Variants in RAD9A observed in about 807,000 individuals in gnomAD.
RAD9A encodes cell cycle checkpoint control protein RAD9A.
Under a neutral mutation model 41.2 loss-of-function variants are expected in RAD9A, and 25 were observed. The observed-to-expected ratio is 0.61, with a 90% CI of 0.44 to 0.85. The LOEUF (loss-of-function observed/expected upper bound fraction) is 0.85, where lower values mean the gene tolerates loss of function less well. Among genes scored for constraint, RAD9A ranks in the 40% least tolerant of loss-of-function variants. The probability of loss-of-function intolerance (pLI) is 0.00; values close to 1 mark genes in which losing one functional copy is unlikely to be tolerated. For missense variants in RAD9A, 514 were observed against 518.3 expected, an observed-to-expected ratio of 0.99 and a Z score of 0.08; for synonymous variants, 252 against 210.6, an observed-to-expected ratio of 1.20 and a Z score of -1.70.
In RAD9A at chr11:67,393,686, T is replaced by A. The variant is rs767673550; in HGVS notation, c.350-5T>A. ...AGGCCCACTGAGACCCTATCGCCCA[T>A]CCAGGGGTGCGGAAGACTCACAACC... On this transcript the variant is annotated splice_polypyrimidine_tract_variant and splice_region_variant and intron_variant, in intron 4 of 10. Coordinates refer to ENST00000307980, the MANE Select transcript of RAD9A (RefSeq NM_004584.3). 1.2e-6 allele frequency: 2 copies of A among 1,612,866 alleles called. No homozygotes were observed. The highest frequency in any genetic ancestry group is 3.3e-5 in the Admixed American group (2 of 59,974).
Position 67,392,248 on chromosome 11 carries a change from T to TGGGGGGGTTGGGGGGG in RAD9A, c.105+23_105+24insGTTGGGGGGGGGGGGG. The TGGGGGGGTTGGGGGGG allele has an allele frequency of 3.1e-6, 1 of 321,852 alleles. No individual in the cohort carries two copies. Among genetic ancestry groups the TGGGGGGGTTGGGGGGG allele is most frequent in the Non-Finnish European group, 6.2e-6 (1 of 162,534 alleles). 19.9% of individuals were successfully genotyped at this position (321,852 alleles called of 1,614,324 possible). A position where few individuals can be genotyped will look rare whatever the true frequency, so the allele number is the denominator to read the frequency against. On this transcript the variant is annotated intron_variant, in intron 2 of 10. Coordinates refer to ENST00000307980, the MANE Select transcript of RAD9A (RefSeq NM_004584.3). ...GAGGACGGGGTGAGGGGCTAGGGTG[T>TGGGGGGGTTGGGGGGG]GGGGGGCGGGTGGGACTCCAGCCGG... is the stretch of plus-strand genomic sequence containing the variant.
chr11:67,395,456 G>A, intron 5 of RAD9A: 1 of 495,232 alleles, frequency 2.0e-6, no homozygotes, highest in South Asian at 3.4e-5. Context: ...CTTTCTGAAG[G>A]CCGGGTTTGT....
chr11:67,397,061 C>T (rs1460503886), intron 9 of RAD9A, 118 bp from the exon 10 acceptor site: 4 of 698,614 alleles, frequency 5.7e-6, no homozygotes, highest in South Asian at 3.4e-5. Flanking sequence ...ATCAGGAAGT[C>T]ATAAAACCAA....
Position 67,398,297 on chromosome 11 carries a change from G to A in RAD9A, c.*738G>A. On this transcript the variant is annotated 3_prime_UTR_variant, in exon 11 of 11. Transcript: ENST00000307980. ...CCACGACCTGGCCTGCCGTTGCCCT[G>A]AGCTGCAGCCTCGGCCCCAGGATCC... The A allele has an allele frequency of 1.8e-6, 1 of 554,346 alleles. No individual in the cohort carries two copies. Among genetic ancestry groups the A allele is most frequent in the Non-Finnish European group, 3.2e-6 (1 of 315,872 alleles). 34.3% of individuals were successfully genotyped at this position (554,346 alleles called of 1,614,324 possible).
Position 67,392,246 on chromosome 11 carries a change from T to TTGGGGG in RAD9A, c.105+15_105+16insTGGGGG. ...TGGAGGACGGGGTGAGGGGCTAGGG[T>TTGGGGG]GTGGGGGGCGGGTGGGACTCCAGCC... is the stretch of plus-strand genomic sequence containing the variant. On this transcript the variant is annotated intron_variant, in intron 2 of 10. Coordinates refer to ENST00000307980, the MANE Select transcript of RAD9A (RefSeq NM_004584.3). The TTGGGGG allele has an allele frequency of 1.4e-5, 8 of 557,990 alleles. No individual in the cohort carries two copies. The highest frequency in any genetic ancestry group is 2.2e-5 in the Non-Finnish European group (7 of 312,278). The allele number at this position is 557,990 out of a possible 1,614,324, so 34.6% of individuals were successfully genotyped here. A position where few individuals can be genotyped will look rare whatever the true frequency, so the allele number is the denominator to read the frequency against.
chr11:67,395,004 A>G (rs1292507013), intron 5 of RAD9A, among the ~76,000 whole-genome samples: 1 of 149,722 alleles, frequency 6.7e-6, no homozygotes, highest in Non-Finnish European at 1.5e-5. Context: ...CAGTGGTGCA[A>G]TCTTGGCTCA....
At chr11:67,394,917 C>CT (rs1457787043) in intron 5 of RAD9A, among the ~76,000 whole-genome samples, 2 of 152,124 alleles carry the variant, frequency 1.3e-5, no homozygotes, top group East Asian at 1.9e-4. Context: ...CACTCAGTCT[C>CT]TTTTTTTAAA....
chr11:67,398,078 T>C lies in RAD9A; in HGVS notation c.*519T>C, dbSNP rs544969763. 1.3e-4 allele frequency: 27 copies of C among 205,222 alleles called. No homozygotes were observed. The highest frequency in any genetic ancestry group is 2.3e-4 in the Non-Finnish European group (23 of 100,392). The allele number at this position is 205,222 out of a possible 1,614,324, so 12.7% of individuals were successfully genotyped here. On this transcript the variant is annotated 3_prime_UTR_variant, in exon 11 of 11. Transcript: ENST00000307980. Reference sequence around the variant, plus strand: ...ATTCTAAGAGCCTTGGACCCGAGTGTGTGGCTAGGGTTGCCCTGGCTGGGG... The same window carrying C: ...ATTCTAAGAGCCTTGGACCCGAGTGCGTGGCTAGGGTTGCCCTGGCTGGGG...
At position 67,392,304 on chromosome 11, in the gene RAD9A, C is replaced by G; in HGVS notation, c.105+73C>G. On this transcript the variant is annotated intron_variant, in intron 2 of 10. Coordinates refer to ENST00000307980, the MANE Select transcript of RAD9A (RefSeq NM_004584.3). ...GGTAACCCGGACTAGAGTCTCGCCC[C>G]CACTAGGCGGGATGACCGCTGGCAG... The G allele has an allele frequency of 3.8e-6, 5 of 1,298,978 alleles. No homozygotes were observed. In the South Asian group the frequency reaches 7.2e-5, roughly 19 times the overall value. The allele number at this position is 1,298,978 out of a possible 1,614,324, so 80.5% of individuals were successfully genotyped here. A position where few individuals can be genotyped will look rare whatever the true frequency, so the allele number is the denominator to read the frequency against.
chr11:67,395,366 CACTTG>C (rs1862651445), intron 5 of RAD9A: 3 of 286,088 alleles, frequency 1.0e-5, no homozygotes, highest in Non-Finnish European at 2.0e-5. Flanking sequence ...CTCCCGTCCC[CACTTG>C]ACTTGAAACA....
At position 67,392,703 on chromosome 11, in the gene RAD9A, T is replaced by C. The variant is rs751356887; in HGVS notation, c.155T>C (p.Leu52Pro). 6.2e-7 allele frequency: 1 copy of C among 1,614,062 alleles called. No individual in the cohort carries two copies. Among genetic ancestry groups the C allele is most frequent in the Admixed American group, 1.7e-5 (1 of 60,026 alleles). ...TCCCGCTCTGCCTATGCCTGCTTTCTCTTTGCCCCGCTCTTCTTCCAGCAA... is the reference window on the plus strand; with the variant it reads ...TCCCGCTCTGCCTATGCCTGCTTTCCCTTTGCCCCGCTCTTCTTCCAGCAA... ...NSSRSAYACF[L>P]FAPLFFQQYQ... The change falls in exon 3 of 11, where the codon CTC becomes CCC. Residue 52 changes from leucine to proline, a missense_variant. Transcript: ENST00000307980.
intron 3 of RAD9A, 66 bp downstream of exon 3, chr11:67,392,848 C>T (rs1862568482): frequency 6.4e-7 from 1 of 1,574,752 alleles, no homozygotes; most frequent in Non-Finnish European, 8.7e-7. Flanking sequence ...GTGCCTCTGC[C>T]CTGGGGTACT....
intron 2 of RAD9A, 38 bp downstream of exon 2, chr11:67,392,269 G>T (rs2134938899): frequency 6.8e-7 from 1 of 1,476,122 alleles, no homozygotes; most frequent in Non-Finnish European, 9.2e-7. Context: ...TGGGACTCCA[G>T]CCGGGAGCGG....
intron 3 of RAD9A, 195 bp from the exon 4 acceptor site, chr11:67,393,301 A>T: frequency 1.5e-6 from 2 of 1,304,578 alleles, no homozygotes; most frequent in African/African-American, 3.1e-5. Context: ...AAAAAAAGGT[A>T]AGCAGGTCTT....
At position 67,391,999 on chromosome 11, in the gene RAD9A, G is replaced by A. The variant is rs745464704; in HGVS notation, c.-46G>A. 6.5e-6 allele frequency: 10 copies of A among 1,535,622 alleles called. No individual in the cohort carries two copies. The East Asian group carries it at 2.2e-4, about 34-fold the overall frequency. On this transcript the variant is annotated 5_prime_UTR_variant, in exon 1 of 11. Coordinates refer to ENST00000307980, the MANE Select transcript of RAD9A (RefSeq NM_004584.3). ...GGAAGGGACCCCGGACCCGGAGGTC[G>A]CGGAGAGCTGGGCAGTGTTGGCCGC... is the stretch of plus-strand genomic sequence containing the variant.
intron 9 of RAD9A, among the ~76,000 whole-genome samples, chr11:67,396,885 T>C (rs971215879): frequency 2.0e-5 from 3 of 152,138 alleles, no homozygotes; most frequent in Non-Finnish European, 2.9e-5. Context: ...TTGGGCTCCA[T>C]GTGGCCCAGT....
At position 67,395,796 on chromosome 11, in the gene RAD9A, T is replaced by C. The variant is rs763351168; in HGVS notation, c.530T>C (p.Ile177Thr). 12 of 1,613,816 alleles carry C rather than the reference T, an allele frequency of 7.4e-6. No individual in the cohort carries two copies. In the South Asian group the frequency reaches 1.2e-4, roughly 16 times the overall value. ...GGCATTGGCCGTGGCCGCAGGGTCA[T>C]CCTGCGCAGCTACCACGAGGAGGAG... ...TLGIGRGRRVILRSYHEEEAD... is the reference protein window; with the variant it reads ...TLGIGRGRRVTLRSYHEEEAD... The change falls in exon 6 of 11, where the codon ATC (isoleucine) becomes ACC (threonine). Residue 177 changes from isoleucine to threonine, a missense_variant. Physicochemically the swap from Ile to Thr is moderately conservative, Grantham distance 89 (BLOSUM62 -1). Around this residue, in one of 3 missense-constraint regions of RAD9A, gnomAD observed 268 missense variants for 279.3 expected, o/e 0.96. Transcript: ENST00000307980.
chr11:67,394,342 G>A (rs1484253364), intron 5 of RAD9A, among the ~76,000 whole-genome samples: 3 of 152,240 alleles, frequency 2.0e-5, no homozygotes, highest in African/African-American at 7.2e-5. Context: ...TGGGCAGTCC[G>A]AGCACTGGGG....
rs776769818 is a variant in RAD9A at position 67,397,207 on chromosome 11, G to A, written c.901G>A (p.Asp301Asn). The A allele has an allele frequency of 1.9e-6, 3 of 1,613,822 alleles. No homozygotes were observed. The highest frequency in any genetic ancestry group is 8.5e-7 in the Non-Finnish European group (1 of 1,179,852). ...ACCCCACCCGGACGACTTTGCCAAT[G>A]ACGACATTGACTCTTACATGATCGC... ...STPHPDDFAN[D>N]DIDSYMIAME... The change falls in exon 10 of 11, where the codon GAC becomes AAC. Residue 301 changes from aspartate to asparagine, a missense_variant. Transcript: ENST00000307980.
Sources: gnomAD v4.1 joint callset for allele counts (sites outside exome capture counted in the v4.1 genomes callset) on GRCh38, gnomAD v4.1.1 for gene constraint, gnomAD v4.1.1 regional missense constraint, MANE v1.5 for transcripts, NCBI Gene and HGNC (gene_info 2026-07-23, HGNC 2026-07-21) for gene names.